The following LSM7 variants were observed in gnomAD, a reference collection of about 807,000 sequenced individuals.
LSM7 encodes U6 snRNA-associated Sm-like protein LSm7.
LSM7 carries 13 observed loss-of-function variants against 14.1 expected under a neutral mutation model. The ratio of observed to expected loss-of-function variants is 0.92; its 90% CI spans 0.60 to 1.47. LSM7 has a LOEUF of 1.47. LSM7 is among the 40% of genes most tolerant of loss of function. The pLI, the probability that LSM7 is intolerant of heterozygous loss-of-function variation, is 0.00. For synonymous variants in LSM7, 70 were observed against 57.1 expected (o/e 1.23, Z -1.02); for missense variants, 108 against 140.8 (o/e 0.77, Z 1.18).
chr19:2,322,920 G>A (rs1967955673), intron 3 of LSM7, among the ~76,000 whole-genome samples: 1 of 148,970 alleles, frequency 6.7e-6, no homozygotes, highest in Non-Finnish European at 1.5e-5. Context: ...GTCTCACTAT[G>A]TTGCCCAGGC....
chr19:2,324,570 G>A (rs1339788252), intron 2 of LSM7: 2 of 247,438 alleles, frequency 8.1e-6, no homozygotes, highest in Admixed American at 5.0e-5. Context: ...TTTCCACATC[G>A]TGAGACAGTC....
chr19:2,321,990 C>T lies in LSM7; in HGVS notation c.170-168G>A, dbSNP rs56920010. 5.0e-4 allele frequency among the ~76,000 whole-genome samples: 76 copies of T among 152,326 alleles called. No individual in the cohort carries two copies. Among genetic ancestry groups the T allele is most frequent in the African/African-American group, 1.6e-3 (65 of 41,576 alleles). ...CTGTGGGGCAGGTCCCCGGCTCCCA[C>T]GGCTGAGACCCATGGCCCCTAGAGA... On this transcript the variant is annotated intron_variant, in intron 3 of 3. Transcript: ENST00000252622. The surrounding 1 kb of genome is among the most constrained non-coding windows in gnomAD (Gnocchi z 5.0).
chr19:2,325,414 C>CT (rs1165408713), intron 2 of LSM7, among the ~76,000 whole-genome samples: 1 of 109,494 alleles, frequency 9.1e-6, no homozygotes, highest in Non-Finnish European at 2.4e-5. Context: ...TGCTCTCCTT[C>CT]TTACCCCTGT....
At chr19:2,322,891 T>C (rs896382503) in intron 3 of LSM7, among the ~76,000 whole-genome samples, 7 of 151,792 alleles carry the variant, frequency 4.6e-5, no homozygotes, top group Non-Finnish European at 1.0e-4. Context: ...TACATTTTTT[T>C]TTTTTTTGTA....
At chr19:2,323,298 A>C (rs1209239465) in intron 3 of LSM7, among the ~76,000 whole-genome samples, 4 of 152,100 alleles carry the variant, frequency 2.6e-5, no homozygotes, top group African/African-American at 9.7e-5. Context: ...GCCCGAGAGG[A>C]GCCCCACGGC....
At position 2,325,230 on chromosome 19, in the gene LSM7, A is replaced by G. The variant is rs569635262; in HGVS notation, c.98-1034T>C. 2.1e-3 allele frequency among the ~76,000 whole-genome samples: 322 copies of G among 152,158 alleles called. 4 individuals are homozygous for G. Among genetic ancestry groups the G allele is most frequent in the African/African-American group, 6.8e-3 (284 of 41,494 alleles). On this transcript the variant is annotated intron_variant, in intron 2 of 3. Coordinates refer to ENST00000252622, the MANE Select transcript of LSM7 (RefSeq NM_016199.3). ...TCTCTGCCATCTGATCCTGCTCCGC[A>G]GTGTCTGGTGACACTGAGAAGGGTG...
At chr19:2,324,489 T>C (rs965508103) in intron 2 of LSM7, 28 of 467,128 alleles carry the variant, frequency 6.0e-5, no homozygotes, top group Admixed American at 5.1e-4. Flanking sequence ...GCTTCGGTAA[T>C]GAGTCCATGT....
chr19:2,324,054 T>A, intron 3 of LSM7, 71 bp downstream of exon 3: 15 of 102,088 alleles, frequency 1.5e-4, no homozygotes, highest in Middle Eastern at 3.2e-3. Flanking sequence ...ACTGCCCCCC[T>A]CGTCCCGCTG....
chr19:2,321,666 C>T lies in LSM7; in HGVS notation c.*14G>A, dbSNP rs571233535. 24 of 1,489,626 alleles carry T rather than the reference C, an allele frequency of 1.6e-5. 1 individual carries two copies. Among genetic ancestry groups the T allele is most frequent in the South Asian group, 1.1e-4 (8 of 75,386 alleles). The allele number at this position is 1,489,626 out of a possible 1,614,324, so 92.3% of individuals were successfully genotyped here. A position where few individuals can be genotyped will look rare whatever the true frequency, so the allele number is the denominator to read the frequency against. ...GCTCGGGCCTGCCCTGCACCCCCCG[C>T]GCCCCCGGCCAGGCTAGGCGTCCTG... On this transcript the variant is annotated 3_prime_UTR_variant, in exon 4 of 4. Transcript: ENST00000252622. The surrounding 1 kb of genome is among the most constrained non-coding windows in gnomAD (Gnocchi z 5.0).
intron 2 of LSM7, among the ~76,000 whole-genome samples, chr19:2,327,314 C>T (rs892257400): frequency 6.6e-6 from 1 of 152,176 alleles, no homozygotes; most frequent in Non-Finnish European, 1.5e-5. Context: ...GGCTGGAGTG[C>T]GGTGGCACAA....
At chr19:2,327,459 T>C (rs767567632) in intron 2 of LSM7, among the ~76,000 whole-genome samples, 2 of 152,128 alleles carry the variant, frequency 1.3e-5, no homozygotes, top group African/African-American at 2.4e-5. Context: ...GCCAGGATGG[T>C]CTTGATCTCC....
chr19:2,325,059 T>C (rs966055653), intron 2 of LSM7, among the ~76,000 whole-genome samples: 28 of 152,096 alleles, frequency 1.8e-4, no homozygotes, highest in African/African-American at 6.5e-4. Flanking sequence ...GCAACAGAGA[T>C]GCTCTGAGAC....
intron 2 of LSM7, among the ~76,000 whole-genome samples, chr19:2,327,008 A>G (rs1968037318): frequency 6.6e-6 from 1 of 152,188 alleles, no homozygotes; most frequent in African/African-American, 2.4e-5. Flanking sequence ...GAAGACCCCA[A>G]GATGATGGAC....
intron 3 of LSM7, among the ~76,000 whole-genome samples, chr19:2,323,743 T>G (rs1426639250): frequency 2.6e-5 from 4 of 152,300 alleles, no homozygotes; most frequent in Non-Finnish European, 2.9e-5. Flanking sequence ...TGAGCCATTG[T>G]GCCTGGCCTC....
At chr19:2,323,340 C>T (rs368377945) in intron 3 of LSM7, among the ~76,000 whole-genome samples, 4 of 152,298 alleles carry the variant, frequency 2.6e-5, no homozygotes, top group Admixed American at 6.5e-5. Context: ...GGCTGCTCTC[C>T]GCTGGGCGCC....
chr19:2,322,496 G>A lies in LSM7; in HGVS notation c.170-674C>T, dbSNP rs562481096. Among the ~76,000 whole-genome samples the A allele has an allele frequency of 1.1e-3, 164 of 152,252 alleles. 1 individual carries two copies. The highest frequency in any genetic ancestry group is 2.9e-3 in the African/African-American group (119 of 41,534). Reference sequence around the variant, plus strand: ...GCGGAGCTTGCAGTGAGCCGAGATCGCGCCACTGCACTCCAGCCTGGGTGA... The same window carrying A: ...GCGGAGCTTGCAGTGAGCCGAGATCACGCCACTGCACTCCAGCCTGGGTGA... On this transcript the variant is annotated intron_variant, in intron 3 of 3. Transcript: ENST00000252622.
In LSM7 at chr19:2,321,628, G is replaced by A. The variant is rs746740758; in HGVS notation, c.*52C>T. 32 of 1,355,106 alleles carry A rather than the reference G, an allele frequency of 2.4e-5. No individual in the cohort carries two copies. Among genetic ancestry groups the A allele is most frequent in the Admixed American group, 7.1e-5 (2 of 28,070 alleles). The allele number at this position is 1,355,106 out of a possible 1,614,324, so 83.9% of individuals were successfully genotyped here. ...CGGTGGGAGCAGCAGCCAAGTCCGC[G>A]GGAAACCGAGCTGCTCGGGCCTGCC... On this transcript the variant is annotated 3_prime_UTR_variant, in exon 4 of 4. Coordinates refer to ENST00000252622, the MANE Select transcript of LSM7 (RefSeq NM_016199.3). The surrounding 1 kb of genome is among the most constrained non-coding windows in gnomAD (Gnocchi z 5.0).
chr19:2,322,166 G>A (rs876692), intron 3 of LSM7, among the ~76,000 whole-genome samples: 25,580 of 152,136 alleles, frequency 0.17, 3,733 homozygotes, highest in East Asian at 0.4. Flanking sequence ...TCAGATGGCC[G>A]GCCAGAATAC....
Position 2,321,845 on chromosome 19 carries a change from G to T in LSM7, c.170-23C>A, listed in dbSNP as rs549278857. 1 of 1,410,300 alleles carries T rather than the reference G, an allele frequency of 7.1e-7. No homozygotes were observed. 87.4% of individuals were successfully genotyped at this position (1,410,300 alleles called of 1,614,324 possible). On this transcript the variant is annotated intron_variant, in intron 3 of 3. Coordinates refer to ENST00000252622, the MANE Select transcript of LSM7 (RefSeq NM_016199.3). This position sits in a 1 kb window ranked among gnomAD's most constrained non-coding sequence, Gnocchi z 5.0. The stretch of plus-strand genomic sequence containing the variant: ...GGTCTGGGGAGGAGCAGATAGAGAG[G>T]ACTGAGGGACCTCCAGGAAGCCTCC...
Sources: allele counts gnomAD v4.1 joint callset (sites outside exome capture counted in the v4.1 genomes callset), GRCh38; gene constraint gnomAD v4.1.1; non-coding constraint Gnocchi (gnomAD v3.1); transcripts MANE v1.5; gene names NCBI Gene and HGNC (gene_info 2026-07-23, HGNC 2026-07-21).